EIF2AK2: variants seen among roughly 807,000 people sequenced by gnomAD.
The protein encoded by EIF2AK2 is interferon-induced, double-stranded RNA-activated protein kinase.
EIF2AK2 carries 40 observed loss-of-function variants against 70.5 expected under a neutral mutation model. That is an observed-to-expected ratio of 0.57 (90% CI 0.44 to 0.74). The LOEUF (loss-of-function observed/expected upper bound fraction) is 0.74. EIF2AK2 is among the 30% of genes least tolerant of loss of function. The pLI is 0.00. For missense variants in EIF2AK2, 555 were observed against 644.3 expected, an observed-to-expected ratio of 0.86 and a Z score of 1.50; for synonymous variants, 198 against 220.9, an observed-to-expected ratio of 0.90 and a Z score of 0.92.
chr2:37,149,683 C>T (rs1675676919), intron 1 of EIF2AK2, among the ~76,000 whole-genome samples: 1 of 152,198 alleles, frequency 6.6e-6, no homozygotes, highest in African/African-American at 2.4e-5. Context: ...TTAGGTAGCA[C>T]AGTATAACTC....
intron 1 of EIF2AK2, among the ~76,000 whole-genome samples, chr2:37,155,253 A>G (rs764148611): frequency 1.3e-5 from 2 of 152,178 alleles, no homozygotes; most frequent in Admixed American, 6.5e-5. Flanking sequence ...AAAATCCCAG[A>G]CACTCCTTCA....
chr2:37,099,703 AC>A lies in EIF2AK2; in HGVS notation c.*7569del, dbSNP rs1227344816. 2 of 152,238 alleles carry A rather than the reference AC, an allele frequency of 1.3e-5. No individual in the cohort carries two copies. The highest frequency in any genetic ancestry group is 2.9e-5 in the Non-Finnish European group (2 of 68,038). The allele number at this position is 152,238 out of a possible 1,614,324, so 9.4% of individuals were successfully genotyped here. ...AAACAAGTCCACATAAGATTTGTAC[AC>A]AAAAGTTCATAGTAGCATTATTCAT... On this transcript the variant is annotated 3_prime_UTR_variant, in exon 17 of 17. Coordinates refer to ENST00000233057, the MANE Select transcript of EIF2AK2 (RefSeq NM_001135651.3).
intron 1 of EIF2AK2, among the ~76,000 whole-genome samples, chr2:37,151,083 A>G (rs779513827): frequency 1.9e-4 from 29 of 152,230 alleles, no homozygotes; most frequent in Admixed American, 3.3e-4. Context: ...GCAACAAAAG[A>G]AAACAGAGAT....
intron 10 of EIF2AK2, among the ~76,000 whole-genome samples, chr2:37,132,923 G>A (rs550507207): frequency 5.4e-4 from 82 of 152,258 alleles, no homozygotes; most frequent in African/African-American, 1.9e-3. Flanking sequence ...AGGCTTTTCC[G>A]AAAACCAACA....
At chr2:37,120,265 A>C (rs1674490665) in intron 12 of EIF2AK2, 126 bp from the exon 13 acceptor site, 2 of 629,590 alleles carry the variant, frequency 3.2e-6, no homozygotes, top group Non-Finnish European at 4.4e-6. Context: ...TAAGAACCCC[A>C]AAAACACTTT....
At chr2:37,118,455 T>C (rs1251465504) in intron 13 of EIF2AK2, among the ~76,000 whole-genome samples, 1 of 152,230 alleles carries the variant, frequency 6.6e-6, no homozygotes, top group Non-Finnish European at 1.5e-5. Flanking sequence ...TGGGGCATAG[T>C]TGGCAGGTAA....
intron 2 of EIF2AK2, 121 bp from the exon 3 acceptor site, chr2:37,147,943 T>A: frequency 1.8e-6 from 1 of 563,628 alleles, no homozygotes; most frequent in Non-Finnish European, 3.2e-6. Context: ...CTCATCTCAG[T>A]CTCACATAAA....
intron 13 of EIF2AK2, among the ~76,000 whole-genome samples, chr2:37,115,562 TAG>T (rs1674313714): frequency 6.6e-6 from 1 of 152,174 alleles, no homozygotes; most frequent in African/African-American, 2.4e-5. Context: ...GAATGGGAGT[TAG>T]ACAGTTCCCC....
At chr2:37,147,574 T>C (rs1310100452) in intron 3 of EIF2AK2, 114 bp downstream of exon 3, 4 of 586,742 alleles carry the variant, frequency 6.8e-6, no homozygotes, top group Admixed American at 5.1e-5. Flanking sequence ...TTGGTTTTTT[T>C]GTCCTTGCGA....
In EIF2AK2 at chr2:37,143,787, G is replaced by A. The variant is rs1675426441; in HGVS notation, c.241-2086C>T. Among the ~76,000 whole-genome samples the A allele has an allele frequency of 3.9e-5, 6 of 151,996 alleles. No homozygotes were observed. The South Asian group carries it at 1.2e-3, about 32-fold the overall frequency. On this transcript the variant is annotated intron_variant, in intron 4 of 16. Coordinates refer to ENST00000233057, the MANE Select transcript of EIF2AK2 (RefSeq NM_001135651.3). The stretch of plus-strand genomic sequence containing the variant: ...TAGTCCCAGCCAGTTGGGATGCTAA[G>A]GTGGGAGGATCACCTGAGCCTGGGG...
At chr2:37,141,472 C>A in intron 5 of EIF2AK2, 81 bp downstream of exon 5, 1 of 1,536,262 alleles carries the variant, frequency 6.5e-7, no homozygotes. Context: ...ACACATATTT[C>A]TGGAAAATTA....
intron 1 of EIF2AK2, 121 bp from the exon 2 acceptor site, chr2:37,149,144 C>A (rs893012067): frequency 3.1e-5 from 29 of 935,956 alleles, no homozygotes; most frequent in Non-Finnish European, 4.8e-5. Flanking sequence ...TTGGGATGGA[C>A]CTCGATGCCT....
chr2:37,124,202 A>C (rs1425013610), intron 11 of EIF2AK2, among the ~76,000 whole-genome samples: 9 of 152,090 alleles, frequency 5.9e-5, no homozygotes, highest in Non-Finnish European at 8.8e-5. Context: ...TCCTGACCTC[A>C]AGTGATCCAC....
chr2:37,117,211 C>CA (rs534964659), intron 13 of EIF2AK2, among the ~76,000 whole-genome samples: 367 of 43,724 alleles, frequency 8.4e-3, no homozygotes, highest in South Asian at 0.026. Context: ...GACTCTGTCT[C>CA]AAAAAAAAAA....
chr2:37,152,676 G>GTGAT (rs1262120100), intron 1 of EIF2AK2, among the ~76,000 whole-genome samples: 1 of 152,122 alleles, frequency 6.6e-6, no homozygotes, highest in Non-Finnish European at 1.5e-5. Context: ...TCTCCTTAAG[G>GTGAT]TGATTTCTTT....
At chr2:37,144,232 TAC>T (rs1203194062) in intron 4 of EIF2AK2, among the ~76,000 whole-genome samples, 1 of 152,190 alleles carries the variant, frequency 6.6e-6, no homozygotes, top group Non-Finnish European at 1.5e-5. Flanking sequence ...TCTACTGTTC[TAC>T]AGTCTTATAA....
At position 37,149,029 on chromosome 2, in the gene EIF2AK2, A is replaced by C; in HGVS notation, c.-183-6T>G. 1 of 972,988 alleles carries C rather than the reference A, an allele frequency of 1.0e-6. No homozygotes were observed. The highest frequency in any genetic ancestry group is 1.7e-6 in the Non-Finnish European group (1 of 594,260). The allele number at this position is 972,988 out of a possible 1,614,324, so 60.3% of individuals were successfully genotyped here. ...AACTGAATTTGCTCCAGAAACTGGT[A>C]AAAGAGAAAAAAGAAGGCTTAAAAA... is the stretch of plus-strand genomic sequence containing the variant. On this transcript the variant is annotated splice_region_variant and splice_polypyrimidine_tract_variant and intron_variant, in intron 1 of 16. Transcript: ENST00000233057.
At chr2:37,144,350 T>C (rs1303020490) in intron 4 of EIF2AK2, among the ~76,000 whole-genome samples, 3 of 126,626 alleles carry the variant, frequency 2.4e-5, no homozygotes, top group Non-Finnish European at 4.9e-5. Context: ...ATTTTAGAAG[T>C]TACTCCTTCT....
In EIF2AK2 at chr2:37,126,291, G is replaced by A. The variant is rs200941283; in HGVS notation, c.906C>T (p.Asn302=). The change falls in exon 11 of 17, where the codon AAC becomes AAT. Residue 302 remains asparagine, a splice_region_variant and synonymous_variant. Transcript: ENST00000233057. The part of the protein sequence containing the change: ...TYVIKRVKYN[N]EKAEREVKAL... ...AAATGTAAACATTTACTACTTACTCGTTATTATATTTAACACGTTTAATAA... is the reference window on the plus strand; with the variant it reads ...AAATGTAAACATTTACTACTTACTCATTATTATATTTAACACGTTTAATAA... The A allele has an allele frequency of 9.0e-4, 1,426 of 1,588,120 alleles. 25 individuals carry two copies. The South Asian group carries it at 0.015, about 16-fold the overall frequency.
Sources: gnomAD v4.1 joint callset for allele counts (sites outside exome capture counted in the v4.1 genomes callset) on GRCh38, gnomAD v4.1.1 for gene constraint, MANE v1.5 for transcripts, NCBI Gene and HGNC (gene_info 2026-07-23, HGNC 2026-07-21) for gene names.